The following RHOF variants were observed in gnomAD, a reference collection of about 807,000 sequenced individuals.
RHOF encodes rho-related GTP-binding protein RhoF.
In RHOF, 21 loss-of-function variants were observed where a neutral mutation model predicts 22.2. The observed-to-expected ratio is 0.95, with a 90% confidence interval of 0.67 to 1.36. RHOF has a LOEUF of 1.36. Among genes scored for constraint, RHOF ranks in the 40% most tolerant of loss-of-function variants. The pLI, the probability that RHOF is intolerant of heterozygous loss-of-function variation, is 0.00. For missense variants in RHOF, 285 were observed against 293.7 expected (o/e 0.97, Z 0.22); for synonymous variants, 135 against 131.2 (o/e 1.03, Z -0.20).
intron 2 of RHOF, among the ~76,000 whole-genome samples, chr12:121,785,654 A>C (rs1874588456): frequency 6.6e-6 from 1 of 151,856 alleles, no homozygotes; most frequent in Non-Finnish European, 1.5e-5. Context: ...TCTGTCACCC[A>C]GGCTGGAGTG....
chr12:121,781,599 A>T (rs960351668), intron 2 of RHOF: 29 of 213,002 alleles, frequency 1.4e-4, no homozygotes, highest in Non-Finnish European at 3.9e-5. Flanking sequence ...ACTGCTAGAG[A>T]TGATGCCGAT....
intron 2 of RHOF, among the ~76,000 whole-genome samples, chr12:121,786,195 C>T (rs557929974): frequency 1.3e-5 from 2 of 152,254 alleles, no homozygotes; most frequent in East Asian, 1.9e-4. Flanking sequence ...GCTGGGATTA[C>T]AGGTGTGAGC....
chr12:121,779,773 T>A, intron 4 of RHOF, 111 bp from the exon 5 acceptor site: 1 of 1,168,266 alleles, frequency 8.6e-7, no homozygotes, highest in East Asian at 2.5e-5. Flanking sequence ...GAGGCCTTGG[T>A]TTGGGCCTGT....
chr12:121,788,824 A>AG (rs926366206), intron 2 of RHOF, among the ~76,000 whole-genome samples: 1 of 152,112 alleles, frequency 6.6e-6, no homozygotes, highest in Non-Finnish European at 1.5e-5. Flanking sequence ...CAGTGCCGGG[A>AG]GGCAGGAGGA....
chr12:121,780,685 G>T, intron 4 of RHOF, 187 bp downstream of exon 4: 2 of 664,784 alleles, frequency 3.0e-6, no homozygotes, highest in Non-Finnish European at 5.0e-6. Context: ...CGAGTCCTAA[G>T]GATTGGGAGT....
rs372739049 is a variant in RHOF at position 121,781,211 on chromosome 12, G to A, written c.227-19C>T. On this transcript the variant is annotated intron_variant, in intron 2 of 4. Transcript: ENST00000267205. ...TCTTGCCCTGAAAGCACAGAGCAGCGGGGGTCAGGGGACGTCCCCTCCCTG... is the reference window on the plus strand; with the variant it reads ...TCTTGCCCTGAAAGCACAGAGCAGCAGGGGTCAGGGGACGTCCCCTCCCTG... 124 of 1,607,254 alleles carry A rather than the reference G, an allele frequency of 7.7e-5. No individual in the cohort carries two copies. The highest frequency in any genetic ancestry group is 9.4e-5 in the Non-Finnish European group (110 of 1,174,074).
At chr12:121,780,746 A>AG in intron 4 of RHOF, 126 bp downstream of exon 4, 2 of 1,133,546 alleles carry the variant, frequency 1.8e-6, no homozygotes, top group Admixed American at 2.8e-5. Context: ...ATAGTTAAAA[A>AG]TTATTCTTAG....
chr12:121,780,689 T>C (rs1874418052), intron 4 of RHOF, 183 bp downstream of exon 4: 1 of 668,144 alleles, frequency 1.5e-6, no homozygotes, highest in Admixed American at 3.2e-5. Flanking sequence ...TCCTAAGGAT[T>C]GGGAGTAGTC....
At chr12:121,782,291 T>G (rs1218169018) in intron 2 of RHOF, 1 of 152,266 alleles carries the variant, frequency 6.6e-6, no homozygotes, top group Admixed American at 6.5e-5. Context: ...CCACAGACCA[T>G]AGTCAGATTT....
At chr12:121,784,699 C>T (rs1391642460) in intron 2 of RHOF, among the ~76,000 whole-genome samples, 1 of 152,088 alleles carries the variant, frequency 6.6e-6, no homozygotes, top group Non-Finnish European at 1.5e-5. Flanking sequence ...AGGAGTCAAC[C>T]CCAGCTCATG....
intron 2 of RHOF, among the ~76,000 whole-genome samples, chr12:121,786,465 C>T (rs1874612223): frequency 6.6e-6 from 1 of 152,188 alleles, no homozygotes; most frequent in Non-Finnish European, 1.5e-5. Flanking sequence ...GCGGGGCAGG[C>T]ATCAGGCTGC....
At chr12:121,786,052 A>G (rs1874600671) in intron 2 of RHOF, among the ~76,000 whole-genome samples, 1 of 150,806 alleles carries the variant, frequency 6.6e-6, no homozygotes, top group Non-Finnish European at 1.5e-5. Context: ...AGTAGCTGGG[A>G]CTACAGGCGC....
At chr12:121,790,906 C>T (rs1874747534) in intron 2 of RHOF, among the ~76,000 whole-genome samples, 1 of 152,182 alleles carries the variant, frequency 6.6e-6, no homozygotes, top group Non-Finnish European at 1.5e-5. Context: ...CAGGGTCTCG[C>T]TCTGTTGCCC....
At chr12:121,793,378 C>A in intron 1 of RHOF, 118 bp downstream of exon 1, 1 of 1,448,198 alleles carries the variant, frequency 6.9e-7, no homozygotes, top group South Asian at 1.2e-5. Flanking sequence ...CCCGAGGGGG[C>A]GCCCCGGGGT....
At chr12:121,781,504 G>T (rs2137488888) in intron 2 of RHOF, 1 of 322,888 alleles carries the variant, frequency 3.1e-6, no homozygotes, top group African/African-American at 2.1e-5. Flanking sequence ...CAGCCCCCCA[G>T]TCCTGGATGG....
chr12:121,783,564 C>G (rs1212935875), intron 2 of RHOF, among the ~76,000 whole-genome samples: 1 of 152,082 alleles, frequency 6.6e-6, no homozygotes, highest in African/African-American at 2.4e-5. Context: ...CTCACTGCAA[C>G]CTACACCTCC....
intron 4 of RHOF, 28 bp from the exon 5 acceptor site, chr12:121,779,690 G>T: frequency 6.2e-7 from 1 of 1,612,342 alleles, no homozygotes; most frequent in Non-Finnish European, 8.5e-7. Flanking sequence ...CCAGCATTAG[G>T]TGAGGGGCCC....
At position 121,779,420 on chromosome 12, in the gene RHOF, G is replaced by A; in HGVS notation, c.*78C>T. ...ACACCATGAGCTGGAGGGTCGGGAT[G>A]GGGCAGCCTCCCTGGTGCAATCGGC... On this transcript the variant is annotated 3_prime_UTR_variant, in exon 5 of 5. Coordinates refer to ENST00000267205, the MANE Select transcript of RHOF (RefSeq NM_019034.3). The A allele has an allele frequency of 6.7e-7, 1 of 1,502,334 alleles. No individual in the cohort carries two copies. The highest frequency in any genetic ancestry group is 1.2e-5 in the South Asian group (1 of 85,826). 93.1% of individuals were successfully genotyped at this position (1,502,334 alleles called of 1,614,324 possible).
At chr12:121,790,113 C>T (rs961785776) in intron 2 of RHOF, among the ~76,000 whole-genome samples, 1 of 152,260 alleles carries the variant, frequency 6.6e-6, no homozygotes, top group Non-Finnish European at 1.5e-5. Context: ...GCCCTCCCTC[C>T]GCTGTGGTGT....
Sources: allele counts gnomAD v4.1 joint callset (sites outside exome capture counted in the v4.1 genomes callset), GRCh38; gene constraint gnomAD v4.1.1; transcripts MANE v1.5; gene names NCBI Gene and HGNC (gene_info 2026-07-23, HGNC 2026-07-21).